The following ATP8A2 variants were observed in gnomAD, a reference collection of about 807,000 sequenced individuals.
The protein encoded by ATP8A2 is ATPase phospholipid transporting 8A2, also known as phospholipid-transporting ATPase IB.
In ATP8A2, 100 loss-of-function variants were observed where a neutral mutation model predicts 165.6. The observed-to-expected ratio is 0.60, with a 90% CI of 0.51 to 0.71. The LOEUF is 0.71. Among genes scored for constraint, ATP8A2 ranks in the 30% least tolerant of loss-of-function variants. The probability of loss-of-function intolerance (pLI) is 0.00; values close to 1 mark genes in which losing one functional copy is unlikely to be tolerated. For synonymous variants in ATP8A2, 543 were observed against 548.8 expected (o/e 0.99, Z 0.15); for missense variants, 1,227 against 1,479.5 (o/e 0.83, Z 2.80).
At chr13:25,836,989 G>A (rs988523694) in intron 28 of ATP8A2, among the ~76,000 whole-genome samples, 174 bp from the exon 29 acceptor site, 10 of 152,184 alleles carry the variant, frequency 6.6e-5, no homozygotes, top group African/African-American at 1.9e-4. Flanking sequence ...AGTGATTAAC[G>A]TAAAAATGGT....
chr13:25,572,468 C>T (rs1471195205), intron 18 of ATP8A2, among the ~76,000 whole-genome samples: 1 of 152,184 alleles, frequency 6.6e-6, no homozygotes, highest in Non-Finnish European at 1.5e-5. Context: ...GGGATCCCCC[C>T]TGCAACTGGA....
intron 24 of ATP8A2, among the ~76,000 whole-genome samples, chr13:25,592,730 T>G (rs1201033835): frequency 6.6e-6 from 1 of 152,194 alleles, no homozygotes; most frequent in African/African-American, 2.4e-5. Flanking sequence ...TTATATCAGA[T>G]GTTTTCTGGA....
intron 25 of ATP8A2, among the ~76,000 whole-genome samples, chr13:25,742,106 A>G (rs939957736): frequency 1.3e-5 from 2 of 152,218 alleles, no homozygotes; most frequent in African/African-American, 4.8e-5. Context: ...AGCCTACTAC[A>G]CACCTGGACT....
At chr13:25,768,078 G>C (rs1275872035) in intron 25 of ATP8A2, among the ~76,000 whole-genome samples, 10 of 129,416 alleles carry the variant, frequency 7.7e-5, no homozygotes, top group Admixed American at 4.4e-4. Context: ...TGGTGGCGTG[G>C]GGGGGGGGTG....
chr13:25,469,088 C>A lies in ATP8A2; in HGVS notation c.188C>A (p.Pro63Gln), dbSNP rs1274213803. 6 of 1,613,922 alleles carry A rather than the reference C, an allele frequency of 3.7e-6. No individual in the cohort carries two copies. The East Asian group carries it at 1.3e-4, about 36-fold the overall frequency. The change falls in exon 2 of 37, where the codon CCG (proline) becomes CAG (glutamine). Residue 63 changes from proline to glutamine, a missense_variant. Pro to Gln is a moderately conservative substitution (Grantham distance 76, BLOSUM62 -1). This residue lies in a region of ATP8A2 where 356 missense variants were observed against 394.9 expected (regional missense o/e 0.90). Coordinates refer to ENST00000381655, the MANE Select transcript of ATP8A2 (RefSeq NM_016529.6). Reference sequence around the variant, plus strand: ...GCCCGCACCATTTACCTCAACCAACCGCATCTCAACAAATTCCGCGACAAC... The same window carrying A: ...GCCCGCACCATTTACCTCAACCAACAGCATCTCAACAAATTCCGCGACAAC... ...APARTIYLNQ[P>Q]HLNKFRDNQI...
At chr13:25,529,867 A>G in intron 2 of ATP8A2, 132 bp from the exon 3 acceptor site, 1 of 563,998 alleles carries the variant, frequency 1.8e-6, no homozygotes, top group South Asian at 2.6e-5. Flanking sequence ...GATACACAGC[A>G]ATTTCCTTGT....
At chr13:25,565,165 T>G (rs1020570130) in intron 16 of ATP8A2, among the ~76,000 whole-genome samples, 13 of 152,172 alleles carry the variant, frequency 8.5e-5, no homozygotes, top group African/African-American at 2.4e-5. Context: ...GGCATTTGGG[T>G]TGGTTCCACA....
intron 33 of ATP8A2, among the ~76,000 whole-genome samples, chr13:25,871,413 G>A (rs1952674964): frequency 6.6e-6 from 1 of 152,108 alleles, no homozygotes; most frequent in Non-Finnish European, 1.5e-5. Flanking sequence ...CATCATCACA[G>A]TTCCCCCACC....
At chr13:25,586,337 GA>G (rs1258305238) in intron 23 of ATP8A2, among the ~76,000 whole-genome samples, 2 of 152,176 alleles carry the variant, frequency 1.3e-5, no homozygotes, top group African/African-American at 4.8e-5. Flanking sequence ...ACTGAGAATA[GA>G]ATGGGTCAGG....
chr13:25,648,108 C>CT (rs1189745528), intron 24 of ATP8A2, among the ~76,000 whole-genome samples: 2 of 151,972 alleles, frequency 1.3e-5, no homozygotes, highest in African/African-American at 4.8e-5. Context: ...TTTCTTTATT[C>CT]TTTTTTCTTT....
At chr13:25,449,231 T>A (rs2035149013) in intron 1 of ATP8A2, among the ~76,000 whole-genome samples, 1 of 152,202 alleles carries the variant, frequency 6.6e-6, no homozygotes, top group African/African-American at 2.4e-5. Context: ...ACCTTTCTAT[T>A]TTTCTAATGT....
At chr13:25,855,556 A>G (rs1334185779) in intron 30 of ATP8A2, among the ~76,000 whole-genome samples, 1 of 152,190 alleles carries the variant, frequency 6.6e-6, no homozygotes, top group African/African-American at 2.4e-5. Context: ...GGCTATTGTG[A>G]ATAATGAATA....
rs184955816 is a variant in ATP8A2 at position 25,525,436 on chromosome 13, G to A, written c.222-4563G>A. ...AAATGTTTTCTATTTGCATGTTAGT[G>A]TTTGTTTTTCTTTCAAATTGAAGAA... On this transcript the variant is annotated intron_variant, in intron 2 of 36. Coordinates refer to ENST00000381655, the MANE Select transcript of ATP8A2 (RefSeq NM_016529.6). 1.8e-4 allele frequency among the ~76,000 whole-genome samples: 28 copies of A among 152,208 alleles called. 1 individual carries two copies. In the East Asian group the frequency reaches 5.4e-3, roughly 29 times the overall value.
chr13:25,430,690 C>T (rs1200448627), intron 1 of ATP8A2, among the ~76,000 whole-genome samples: 1 of 152,096 alleles, frequency 6.6e-6, no homozygotes, highest in African/African-American at 2.4e-5. Flanking sequence ...CTCCGCCTCC[C>T]AGTTTCAAGC....
At chr13:25,679,752 G>A (rs1348183349) in intron 24 of ATP8A2, among the ~76,000 whole-genome samples, 2 of 152,196 alleles carry the variant, frequency 1.3e-5, no homozygotes, top group Admixed American at 6.5e-5. Context: ...CCTGGGCGAA[G>A]GATACCACCC....
intron 1 of ATP8A2, among the ~76,000 whole-genome samples, chr13:25,466,420 A>G (rs1311861827): frequency 6.6e-6 from 1 of 151,974 alleles, no homozygotes; most frequent in Admixed American, 6.5e-5. Context: ...CTCAGAATCT[A>G]TTCCACCACC....
chr13:25,761,654 G>GTA (rs71077497), intron 25 of ATP8A2, among the ~76,000 whole-genome samples: 20,025 of 148,902 alleles, frequency 0.13, 1,560 homozygotes, highest in East Asian at 0.38. Flanking sequence ...TATTAGCACA[G>GTA]TATATATATA....
chr13:25,551,378 A>T lies in ATP8A2; in HGVS notation c.932A>T (p.Lys311Met). Residue 311 changes from lysine to methionine, a missense_variant, in exon 11 of 37, where the codon AAG (lysine) becomes ATG (methionine). Lys to Met is a moderately conservative substitution (Grantham distance 95). This residue lies in a region of ATP8A2 where 356 missense variants were observed against 394.9 expected (regional missense o/e 0.90). Coordinates refer to ENST00000381655, the MANE Select transcript of ATP8A2 (RefSeq NM_016529.6). The stretch of plus-strand genomic sequence containing the variant: ...CCTCTCAAGAGATCAAATGTTGAGA[A>T]GGTGACTAACGTGCAGATCCTGGTG... ...KAPLKRSNVE[K>M]VTNVQILVLF... 1 of 1,614,170 alleles carries T rather than the reference A, an allele frequency of 6.2e-7. No individual in the cohort carries two copies. The highest frequency in any genetic ancestry group is 8.5e-7 in the Non-Finnish European group (1 of 1,180,004).
chr13:25,762,685 G>A (rs1237685458), intron 25 of ATP8A2, among the ~76,000 whole-genome samples: 2 of 152,160 alleles, frequency 1.3e-5, no homozygotes, highest in African/African-American at 4.8e-5. Flanking sequence ...TTTATTGAAT[G>A]TCTGCTGTAC....
Sources: gnomAD v4.1 joint callset for allele counts (sites outside exome capture counted in the v4.1 genomes callset) on GRCh38, gnomAD v4.1.1 for gene constraint, gnomAD v4.1.1 regional missense constraint, MANE v1.5 for transcripts, NCBI Gene and HGNC (gene_info 2026-07-23, HGNC 2026-07-21) for gene names.